CEP78: variants seen among roughly 807,000 people sequenced by gnomAD.
The protein encoded by CEP78 is centrosomal protein of 78 kDa.
In CEP78, 76 loss-of-function variants were observed where a neutral mutation model predicts 81.2. The ratio of observed to expected loss-of-function variants is 0.94; its 90% CI spans 0.78 to 1.13. The LOEUF (loss-of-function observed/expected upper bound fraction) is 1.13, where lower values mean the gene tolerates loss of function less well. Ranked by LOEUF, CEP78 falls within the 50% of genes most tolerant of loss-of-function variation. The pLI, the probability that CEP78 is intolerant of heterozygous loss-of-function variation, is 0.00. For missense variants in CEP78, 918 were observed against 846.8 expected (o/e 1.08, Z -1.04); for synonymous variants, 293 against 301.4 (o/e 0.97, Z 0.29).
At chr9:78,254,061 G>A (rs1826893802) in intron 10 of CEP78, 1 of 152,148 alleles carries the variant, frequency 6.6e-6, no homozygotes, top group South Asian at 2.1e-4. Context: ...TTGTGACACA[G>A]TCAATTTTGA....
chr9:78,236,614 C>T lies in CEP78; in HGVS notation c.253+11C>T. The T allele has an allele frequency of 6.6e-7, 1 of 1,521,170 alleles. No homozygotes were observed. Among genetic ancestry groups the T allele is most frequent in the Non-Finnish European group, 8.8e-7 (1 of 1,136,108 alleles). The allele number at this position is 1,521,170 out of a possible 1,614,324, so 94.2% of individuals were successfully genotyped here. A position where few individuals can be genotyped will look rare whatever the true frequency, so the allele number is the denominator to read the frequency against. On this transcript the variant is annotated intron_variant, in intron 1 of 16. Transcript: ENST00000643273. ...GGCTGGGGGACACAGGTTTGTAGTT[C>T]CCGCCTCCAGGGCCCCTCAGTCGGT... is the stretch of plus-strand genomic sequence containing the variant.
rs533446970 is a variant in CEP78, at chr9:78,269,458, T to C, written c.2108-1383T>C. ...AGAATTTGAAAGTCATCAGCACATA[T>C]AAGCAGTAGTTAAAATCATAAAGTT... is the stretch of plus-strand genomic sequence containing the variant. On this transcript the variant is annotated intron_variant, in intron 16 of 16. Transcript: ENST00000643273. Among the ~76,000 whole-genome samples the C allele has an allele frequency of 2.6e-5, 4 of 152,358 alleles. No homozygotes were observed. In the South Asian group the frequency reaches 8.3e-4, roughly 32 times the overall value.
Position 78,238,218 on chromosome 9 carries a change from T to C in CEP78, c.253+1615T>C, listed in dbSNP as rs112916724. Reference sequence around the variant, plus strand: ...AGAAGAGGGGGGCAGCAAGTATGGGTGACAGTTTACAGCAGCGTCTGTAAG... The same window carrying C: ...AGAAGAGGGGGGCAGCAAGTATGGGCGACAGTTTACAGCAGCGTCTGTAAG... On this transcript the variant is annotated intron_variant, in intron 1 of 16. Coordinates refer to ENST00000643273, the MANE Select transcript of CEP78 (RefSeq NM_001330691.3). Among the ~76,000 whole-genome samples, 304 of 151,468 alleles carry C rather than the reference T, an allele frequency of 2.0e-3. 1 individual carries two copies. Among genetic ancestry groups the C allele is most frequent in the African/African-American group, 6.7e-3 (274 of 41,198 alleles).
At chr9:78,265,315 T>G in intron 13 of CEP78, 57 bp from the exon 14 acceptor site, 1 of 1,343,446 alleles carries the variant, frequency 7.4e-7, no homozygotes, top group Non-Finnish European at 1.0e-6. Flanking sequence ...AAATGTAAGC[T>G]GTTCTTATGT....
chr9:78,240,479 C>A, intron 3 of CEP78, 115 bp downstream of exon 3: 2 of 867,042 alleles, frequency 2.3e-6, no homozygotes, highest in South Asian at 3.0e-5. Context: ...TATGCTTGTT[C>A]AAACCTTGGT....
At position 78,265,540 on chromosome 9, in the gene CEP78, C is replaced by G. The variant is rs778991962; in HGVS notation, c.1794C>G (p.Ile598Met). 4 of 1,562,948 alleles carry G rather than the reference C, an allele frequency of 2.6e-6. No homozygotes were observed. In the East Asian group the frequency reaches 7.1e-5, roughly 28 times the overall value. The change falls in exon 14 of 17, where the codon ATC (isoleucine) becomes ATG (methionine). Residue 598 changes from isoleucine (I) to methionine (M), a missense_variant. Ile to Met is a conservative substitution (Grantham distance 10, BLOSUM62 1). Coordinates refer to ENST00000643273, the MANE Select transcript of CEP78 (RefSeq NM_001330691.3). ...ATGCCCTAGGGCAAATGCAAAATATCCAGGTAAATGAATAGAACAGAACTT... is the reference window on the plus strand; with the variant it reads ...ATGCCCTAGGGCAAATGCAAAATATGCAGGTAAATGAATAGAACAGAACTT... ...KQNALGQMQN[I>M]QVSICMQSAY...
rs77304815 is a variant in CEP78, at chr9:78,253,115, T to C, written c.1206-117T>C. 12,680 of 617,372 alleles carry C rather than the reference T, an allele frequency of 0.021. 294 individuals carry two copies. The highest frequency in any genetic ancestry group is 0.076 in the African/African-American group (4,174 of 54,616). The allele number at this position is 617,372 out of a possible 1,614,324, so 38.2% of individuals were successfully genotyped here. On this transcript the variant is annotated intron_variant, in intron 9 of 16. Transcript: ENST00000643273. ...CAGGCCCTTATTTGGAAGTGATTTA[T>C]CTCTATGCACAGTTATGTATGGATA...
intron 8 of CEP78, 65 bp downstream of exon 8, chr9:78,248,938 T>G: frequency 4.0e-6 from 3 of 752,084 alleles, no homozygotes; most frequent in Non-Finnish European, 6.4e-6. Context: ...TTAAAATCTC[T>G]TCTCATTGTA....
chr9:78,278,680 G>A lies in CEP78; in HGVS notation c.*7829G>A, dbSNP rs560976370. 1.2e-4 allele frequency: 19 copies of A among 152,312 alleles called. No homozygotes were observed. The highest frequency in any genetic ancestry group is 2.6e-4 in the Admixed American group (4 of 15,304). The allele number at this position is 152,312 out of a possible 1,614,324, so 9.4% of individuals were successfully genotyped here. ...TTTACCCCTGACAAAACTGCTACTC[G>A]TGGGGCAATGCAAGTCTTTCCCACA... is the stretch of plus-strand genomic sequence containing the variant. On this transcript the variant is annotated 3_prime_UTR_variant, in exon 17 of 17. Coordinates refer to ENST00000643273, the MANE Select transcript of CEP78 (RefSeq NM_001330691.3).
intron 11 of CEP78, among the ~76,000 whole-genome samples, chr9:78,255,198 A>G (rs1272419974): frequency 6.6e-6 from 1 of 152,206 alleles, no homozygotes; most frequent in East Asian, 1.9e-4. Flanking sequence ...TCCTTTCCTT[A>G]GAATCATAGA....
intron 16 of CEP78, among the ~76,000 whole-genome samples, chr9:78,269,028 A>G (rs1356107008): frequency 2.0e-5 from 3 of 152,162 alleles, no homozygotes; most frequent in African/African-American, 7.2e-5. Context: ...CAAGACAGGC[A>G]TATGGTATGC....
At position 78,274,797 on chromosome 9, in the gene CEP78, TTAA is replaced by T. The variant is rs1363120894; in HGVS notation, c.*3950_*3952del. ...AAAATAAATTGCAAATTATTTAGAA[TTAA>T]TAAAAACTTCTCTAAAGCTGAGGAA... On this transcript the variant is annotated 3_prime_UTR_variant, in exon 17 of 17. Coordinates refer to ENST00000643273, the MANE Select transcript of CEP78 (RefSeq NM_001330691.3). 6.6e-6 allele frequency: 1 copy of T among 150,844 alleles called. No individual in the cohort carries two copies. The highest frequency in any genetic ancestry group is 6.6e-5 in the Admixed American group (1 of 15,060). 9.3% of individuals were successfully genotyped at this position (150,844 alleles called of 1,614,324 possible). A position where few individuals can be genotyped will look rare whatever the true frequency, so the allele number is the denominator to read the frequency against.
At chr9:78,237,719 G>A (rs1425846207) in intron 1 of CEP78, among the ~76,000 whole-genome samples, 1 of 152,154 alleles carries the variant, frequency 6.6e-6, no homozygotes, top group African/African-American at 2.4e-5. Flanking sequence ...TGGAATTTCC[G>A]TAGGAGCTCA....
Position 78,265,491 on chromosome 9 carries a change from A to T in CEP78, c.1745A>T (p.Asp582Val). 6.3e-7 allele frequency: 1 copy of T among 1,586,748 alleles called. No homozygotes were observed. The highest frequency in any genetic ancestry group is 8.6e-7 in the Non-Finnish European group (1 of 1,165,888). Reference protein sequence around the residue: ...PPKEEKKALEDEKPEPKQNAL... With the variant: ...PPKEEKKALEVEKPEPKQNAL... The stretch of plus-strand genomic sequence containing the variant: ...AAAGAAGAAAAGAAGGCGCTTGAAG[A>T]TGAAAAACCAGAACCGAAGCAGAAT... The change falls in exon 14 of 17, where the codon GAT (aspartate) becomes GTT (valine). Residue 582 changes from aspartate to valine, a missense_variant. Asp to Val is a radical substitution (Grantham distance 152). Transcript: ENST00000643273.
intron 16 of CEP78, among the ~76,000 whole-genome samples, chr9:78,269,743 G>A (rs1827650471): frequency 6.6e-6 from 1 of 152,166 alleles, no homozygotes; most frequent in Non-Finnish European, 1.5e-5. Context: ...ATGAAAACTA[G>A]GTATAGGACT....
At chr9:78,265,257 T>A (rs1457964203) in intron 13 of CEP78, 115 bp from the exon 14 acceptor site, 3 of 818,248 alleles carry the variant, frequency 3.7e-6, no homozygotes, top group African/African-American at 3.5e-5. Context: ...TGGAGTAGGA[T>A]AATGGGTTTT....
chr9:78,245,755 T>C (rs1826448298), intron 5 of CEP78, among the ~76,000 whole-genome samples: 1 of 152,198 alleles, frequency 6.6e-6, no homozygotes, highest in African/African-American at 2.4e-5. Flanking sequence ...GAGAGAGAGT[T>C]CTTGACCATT....
At chr9:78,248,659 C>G in intron 7 of CEP78, 103 bp from the exon 8 acceptor site, 1 of 688,992 alleles carries the variant, frequency 1.5e-6, no homozygotes, top group Non-Finnish European at 2.5e-6. Flanking sequence ...CTGCTGATTG[C>G]AAACCTTTTA....
intron 11 of CEP78, among the ~76,000 whole-genome samples, chr9:78,262,301 G>T (rs1421924045): frequency 6.6e-6 from 1 of 151,258 alleles, no homozygotes; most frequent in Non-Finnish European, 1.5e-5. Flanking sequence ...CACATGTTTG[G>T]TGATTTCCTT....
Sources: gnomAD v4.1 joint callset for allele counts (sites outside exome capture counted in the v4.1 genomes callset) on GRCh38, gnomAD v4.1.1 for gene constraint, MANE v1.5 for transcripts, NCBI Gene and HGNC (gene_info 2026-07-23, HGNC 2026-07-21) for gene names.